PTPRG: variants seen among roughly 807,000 people sequenced by gnomAD.
PTPRG encodes the protein protein tyrosine phosphatase receptor type G.
PTPRG carries 102 observed loss-of-function variants against 165.3 expected under a neutral mutation model. The ratio of observed to expected loss-of-function variants is 0.62; its 90% CI spans 0.53 to 0.73. The LOEUF (loss-of-function observed/expected upper bound fraction) is 0.73. Ranked by LOEUF, PTPRG falls within the 30% of genes least tolerant of loss-of-function variation. The pLI, the probability that PTPRG is intolerant of heterozygous loss-of-function variation, is 0.00. For missense variants in PTPRG, 1,866 were observed against 1,861.4 expected, an observed-to-expected ratio of 1.00 and a Z score of -0.05; for synonymous variants, 675 against 669.5, an observed-to-expected ratio of 1.01 and a Z score of -0.13.
intron 5 of PTPRG, among the ~76,000 whole-genome samples, chr3:62,083,143 G>C (rs889298861): frequency 1.3e-5 from 2 of 152,076 alleles, no homozygotes; most frequent in African/African-American, 2.4e-5. Context: ...TTTTTTATTT[G>C]TTAAAGTAAA....
chr3:61,858,019 C>T (rs1373081781), intron 2 of PTPRG, among the ~76,000 whole-genome samples: 3 of 152,222 alleles, frequency 2.0e-5, no homozygotes, highest in African/African-American at 4.8e-5. Flanking sequence ...TGCAGAATCC[C>T]GCCTGTATGA....
chr3:61,704,588 C>T (rs2031152229), intron 1 of PTPRG, among the ~76,000 whole-genome samples: 1 of 151,654 alleles, frequency 6.6e-6, no homozygotes, highest in Admixed American at 6.6e-5. Flanking sequence ...CCACCCACCC[C>T]ACCTTGACTT....
chr3:61,942,004 C>CA (rs1463781901), intron 2 of PTPRG, among the ~76,000 whole-genome samples: 1 of 151,776 alleles, frequency 6.6e-6, no homozygotes, highest in Admixed American at 6.6e-5. Flanking sequence ...ACTAAAAATA[C>CA]AAAAAATTAG....
intron 4 of PTPRG, among the ~76,000 whole-genome samples, chr3:62,040,602 C>T (rs754726369): frequency 6.8e-4 from 103 of 152,170 alleles, no homozygotes; most frequent in Non-Finnish European, 1.1e-3. Context: ...TACAGGCATG[C>T]GCCACCACGC....
At chr3:62,072,262 G>A (rs1701231957) in intron 4 of PTPRG, among the ~76,000 whole-genome samples, 1 of 152,140 alleles carries the variant, frequency 6.6e-6, no homozygotes, top group Non-Finnish European at 1.5e-5. Context: ...GATTCATGCA[G>A]GCATTTGCCA....
chr3:61,825,665 G>C (rs941658894), intron 2 of PTPRG, among the ~76,000 whole-genome samples: 25 of 149,924 alleles, frequency 1.7e-4, no homozygotes, highest in Admixed American at 3.3e-4. Context: ...TTTTTTTTGA[G>C]ACAGGTTCTC....
chr3:61,655,054 T>A (rs1033361948), intron 1 of PTPRG, among the ~76,000 whole-genome samples: 1 of 152,080 alleles, frequency 6.6e-6, no homozygotes, highest in African/African-American at 2.4e-5. Context: ...CCCAAAGTGC[T>A]GGGATTACAG....
At chr3:62,127,908 A>C (rs1348042747) in intron 5 of PTPRG, among the ~76,000 whole-genome samples, 1 of 152,208 alleles carries the variant, frequency 6.6e-6, no homozygotes, top group African/African-American at 2.4e-5. Context: ...GATTATTGAT[A>C]GCTTGGCTAC....
In PTPRG at chr3:62,254,339, C is replaced by CG. The variant is rs1701486182; in HGVS notation, c.2468-785_2468-784insG. Among the ~76,000 whole-genome samples the CG allele has an allele frequency of 1.3e-5, 2 of 152,070 alleles. No homozygotes were observed. The highest frequency in any genetic ancestry group is 6.6e-5 in the Admixed American group (1 of 15,262). On this transcript the variant is annotated intron_variant, in intron 15 of 29. Coordinates refer to ENST00000474889, the MANE Select transcript of PTPRG (RefSeq NM_002841.4). This position sits in a 1 kb window ranked among gnomAD's most constrained non-coding sequence, Gnocchi z 4.6. Reference sequence around the variant, plus strand: ...AGGGAAGAAGGAGGTTGGGGAGCTCCAGTTAGTTGGGTGTGGCTATTTTAT... The same window carrying CG: ...AGGGAAGAAGGAGGTTGGGGAGCTCCGAGTTAGTTGGGTGTGGCTATTTTAT...
chr3:62,253,716 T>C (rs1701473781), intron 15 of PTPRG, among the ~76,000 whole-genome samples: 1 of 152,186 alleles, frequency 6.6e-6, no homozygotes, highest in African/African-American at 2.4e-5. Context: ...GAGCTATAGA[T>C]TTCTTGGGCA....
At chr3:61,638,618 T>TTTTG (rs1553643112) in intron 1 of PTPRG, among the ~76,000 whole-genome samples, 2 of 116,314 alleles carry the variant, frequency 1.7e-5, no homozygotes, top group Non-Finnish European at 3.4e-5. Flanking sequence ...TTTTTTTTTT[T>TTTTG]GGGGTAGAGG....
rs1250797509 is a variant in PTPRG at position 62,168,146 on chromosome 3, G to A, written c.1016G>A (p.Gly339Glu). The change falls in exon 8 of 30, where the codon GGG (glycine) becomes GAG (glutamate). Residue 339 changes from glycine (G) to glutamate (E), a missense_variant. This residue lies in a region of PTPRG where 1,452 missense variants were observed against 1,463.0 expected (regional missense o/e 0.99). Transcript: ENST00000474889. The stretch of plus-strand genomic sequence containing the variant: ...ACAGACTTCTTAGAAAACCCACTGG[G>A]GACAGAAGCCTCTAAAGGTATATTT... The part of the protein sequence containing the change: ...DMTDFLENPL[G>E]TEASKVCSSP... 6.2e-6 allele frequency: 10 copies of A among 1,613,710 alleles called. No individual in the cohort carries two copies. In the East Asian group the frequency reaches 1.6e-4, roughly 25 times the overall value.
At chr3:62,026,879 T>TTAAAAAAAAAAAAAAAAAAA (rs1260741192) in intron 4 of PTPRG, among the ~76,000 whole-genome samples, 1 of 94,726 alleles carries the variant, frequency 1.1e-5, no homozygotes, top group East Asian at 3.0e-4. Flanking sequence ...GAGTGAGAAT[T>TTAAAAAAAAAAAAAAAAAAA]AAAAAAAAAA....
intron 1 of PTPRG, among the ~76,000 whole-genome samples, chr3:61,652,012 T>C (rs1286155015): frequency 6.7e-6 from 1 of 149,968 alleles, no homozygotes; most frequent in African/African-American, 2.5e-5. Context: ...TTCATCTCAA[T>C]ATATATATAA....
At chr3:62,185,977 GTT>G (rs751497944) in intron 8 of PTPRG, among the ~76,000 whole-genome samples, 47 of 152,156 alleles carry the variant, frequency 3.1e-4, no homozygotes, top group Admixed American at 5.9e-4. Context: ...GCGTTTGCCT[GTT>G]TCCTTTTTGG....
intron 2 of PTPRG, among the ~76,000 whole-genome samples, chr3:61,862,410 C>G (rs2037295657): frequency 7.3e-6 from 1 of 137,376 alleles, no homozygotes; most frequent in Admixed American, 7.7e-5. Flanking sequence ...AGATGGAATT[C>G]CGCTGTTGTT....
chr3:61,857,277 A>G (rs1247044309), intron 2 of PTPRG, among the ~76,000 whole-genome samples: 4 of 152,232 alleles, frequency 2.6e-5, no homozygotes, highest in African/African-American at 9.6e-5. Flanking sequence ...ACAGACCTCC[A>G]GTGGCCAAGG....
At chr3:62,099,214 A>G (rs1001373797) in intron 5 of PTPRG, among the ~76,000 whole-genome samples, 22 of 152,352 alleles carry the variant, frequency 1.4e-4, no homozygotes, top group African/African-American at 5.3e-4. Context: ...TAAAATCCAG[A>G]GGTCCAGTAG....
intron 5 of PTPRG, among the ~76,000 whole-genome samples, chr3:62,082,087 C>T (rs1057017417): frequency 6.6e-6 from 1 of 152,214 alleles, no homozygotes; most frequent in African/African-American, 2.4e-5. Context: ...ATTCATTATT[C>T]AGAGTGACAC....
Sources: allele counts gnomAD v4.1 joint callset (sites outside exome capture counted in the v4.1 genomes callset), GRCh38; gene constraint gnomAD v4.1.1; regional missense constraint gnomAD v4.1.1; non-coding constraint Gnocchi (gnomAD v3.1); transcripts MANE v1.5; gene names NCBI Gene and HGNC (gene_info 2026-07-23, HGNC 2026-07-21).